The following MYH11 variants were observed in gnomAD, a reference collection of about 807,000 sequenced individuals.
MYH11 encodes the protein myosin-11.
A neutral mutation model predicts 246.6 loss-of-function variants in MYH11; 80 were observed. That is an observed-to-expected ratio of 0.32 (90% CI 0.27 to 0.39). The LOEUF (loss-of-function observed/expected upper bound fraction) is 0.39, where lower values mean the gene tolerates loss of function less well. Among genes scored for constraint, MYH11 ranks in the 10% least tolerant of loss-of-function variants. MYH11 has a pLI of 1.00. For missense variants in MYH11, 2,158 were observed against 2,546.8 expected (o/e 0.85, Z 3.29); for synonymous variants, 1,071 against 1,015.5 (o/e 1.05, Z -1.04).
intron 10 of MYH11, among the ~76,000 whole-genome samples, chr16:15,762,888 G>A (rs549409974): frequency 8.4e-4 from 128 of 152,210 alleles, no homozygotes; most frequent in Admixed American, 3.3e-3. Flanking sequence ...TCTAGGGAGC[G>A]GGAAAAAGCA....
At chr16:15,820,126 T>C (rs550749478) in intron 3 of MYH11, among the ~76,000 whole-genome samples, 1 of 152,178 alleles carries the variant, frequency 6.6e-6, no homozygotes, top group Admixed American at 6.5e-5. Context: ...GAGGATCACC[T>C]GAGGCCAGGA....
rs921885549 is a variant in MYH11, at chr16:15,758,019, G to A, written c.1402-19C>T. The A allele has an allele frequency of 6.2e-7, 1 of 1,612,868 alleles. No homozygotes were observed. The highest frequency in any genetic ancestry group is 1.3e-5 in the African/African-American group (1 of 74,884). On this transcript the variant is annotated intron_variant, in intron 12 of 40. Transcript: ENST00000300036. ...AGTTCACCTGAGCACATGGCGTGGG[G>A]GCGGGGCGTGAGCATCTTGGTATGA...
intron 20 of MYH11, among the ~76,000 whole-genome samples, chr16:15,744,783 G>A (rs1361647333): frequency 2.0e-5 from 3 of 152,248 alleles, no homozygotes; most frequent in African/African-American, 4.8e-5. Context: ...GATTACAGGC[G>A]TGAGCCGCCG....
At chr16:15,830,017 C>T (rs1056081472) in intron 2 of MYH11, among the ~76,000 whole-genome samples, 2 of 152,142 alleles carry the variant, frequency 1.3e-5, no homozygotes, top group Non-Finnish European at 2.9e-5. Context: ...TGCCTGTAAT[C>T]CCAGCTACTC....
At chr16:15,738,950 C>T (rs890186727) in intron 23 of MYH11, among the ~76,000 whole-genome samples, 4 of 152,194 alleles carry the variant, frequency 2.6e-5, no homozygotes, top group Non-Finnish European at 5.9e-5. Context: ...GCCAGCTCTT[C>T]CCTGCCCCAG....
intron 36 of MYH11, 156 bp downstream of exon 36, chr16:15,719,064 G>A (rs2040324734): frequency 1.4e-6 from 1 of 718,508 alleles, no homozygotes; most frequent in East Asian, 2.7e-5. Flanking sequence ...GGAGGTGGAG[G>A]TTGCAGTGAG....
chr16:15,770,962 C>T (rs886471992), intron 9 of MYH11, among the ~76,000 whole-genome samples: 12 of 151,900 alleles, frequency 7.9e-5, no homozygotes, highest in African/African-American at 2.9e-4. Context: ...CTTTTGAACA[C>T]CTAGATCTCA....
At position 15,715,180 on chromosome 16, in the gene MYH11, T is replaced by C; in HGVS notation, c.5597A>G (p.Glu1866Gly). ...LQVEDERKMAEQYKEQAEKGN... is the reference protein window; with the variant it reads ...LQVEDERKMAGQYKEQAEKGN... ...AGGGGCTACCTGCTCCTTGTACTGC[T>C]CGGCCATCTTGCGCTCGTCCTCCAC... Residue 1866 changes from glutamate (E) to glycine (G), a missense_variant, in exon 39 of 41, where the codon GAG becomes GGG. Glu to Gly is a moderately conservative substitution (Grantham distance 98). Around this residue, in one of 11 missense-constraint regions of MYH11, gnomAD observed 1,013 missense variants for 993.5 expected, o/e 1.02. Transcript: ENST00000300036. The C allele has an allele frequency of 3.1e-6, 5 of 1,613,858 alleles. No homozygotes were observed. Among genetic ancestry groups the C allele is most frequent in the Non-Finnish European group, 4.2e-6 (5 of 1,180,014 alleles).
In MYH11 at chr16:15,717,268, C is replaced by G; in HGVS notation, c.5376G>C (p.Arg1792=). The change falls in exon 38 of 41, where the codon CGG becomes CGC. Residue 1792 remains arginine, a synonymous_variant. Transcript: ENST00000300036. ...GCTTGCTCCGGAGCTCCTTGTTCTG[C>G]CGCTCGAGCTGCTGCCGGGCACTCT... ...KNESARQQLE[R]QNKELRSKLH... 1 of 1,614,034 alleles carries G rather than the reference C, an allele frequency of 6.2e-7. No homozygotes were observed. The highest frequency in any genetic ancestry group is 8.5e-7 in the Non-Finnish European group (1 of 1,180,040).
chr16:15,784,742 A>G, intron 5 of MYH11: 3 of 1,613,702 alleles, frequency 1.9e-6, no homozygotes, highest in Non-Finnish European at 2.5e-6. Flanking sequence ...ACACAGTATA[A>G]AACAAATGTC....
intron 6 of MYH11, among the ~76,000 whole-genome samples, chr16:15,780,341 G>A (rs1032826157): frequency 2.6e-5 from 4 of 151,980 alleles, no homozygotes; most frequent in Non-Finnish European, 5.9e-5. Context: ...ATGACCTGGA[G>A]AGTCTCTGAT....
intron 28 of MYH11, chr16:15,725,358 C>T: frequency 1.8e-6 from 1 of 558,626 alleles, no homozygotes; most frequent in Non-Finnish European, 3.1e-6. Flanking sequence ...AGACGAGGTG[C>T]TCTGGCTGGT....
intron 26 of MYH11, among the ~76,000 whole-genome samples, chr16:15,733,518 C>A (rs887133582): frequency 6.6e-6 from 1 of 151,590 alleles, no homozygotes; most frequent in African/African-American, 2.4e-5. Context: ...CAGGTGTGAG[C>A]CACCGCACTC....
At chr16:15,840,517 A>G (rs1003258961) in intron 1 of MYH11, among the ~76,000 whole-genome samples, 1 of 152,198 alleles carries the variant, frequency 6.6e-6, no homozygotes, top group African/African-American at 2.4e-5. Context: ...GGATCCCTTG[A>G]GGCCAGGAGT....
At chr16:15,803,305 C>T (rs1352755212) in intron 3 of MYH11, among the ~76,000 whole-genome samples, 4 of 148,038 alleles carry the variant, frequency 2.7e-5, no homozygotes, top group Admixed American at 6.7e-5. Flanking sequence ...GAAATGGAGT[C>T]TCGCTCTGTC....
intron 31 of MYH11, among the ~76,000 whole-genome samples, chr16:15,723,008 T>C (rs535493308): frequency 1.5e-4 from 23 of 152,166 alleles, no homozygotes; most frequent in African/African-American, 5.3e-4. Flanking sequence ...CCTCCCAAAG[T>C]GCTAGGATTA....
In MYH11 at chr16:15,829,569, G is replaced by A. The variant is rs914650659; in HGVS notation, c.346-6158C>T. Among the ~76,000 whole-genome samples, 9 of 152,088 alleles carry A rather than the reference G, an allele frequency of 5.9e-5. No individual in the cohort carries two copies. The East Asian group carries it at 7.7e-4, about 13-fold the overall frequency. On this transcript the variant is annotated intron_variant, in intron 2 of 40. Transcript: ENST00000300036. ...TGTGTTTCTGCCTCTCTGGCCCCAC[G>A]AGCCCCTCTCCAGCTGGTTAAATTC...
At chr16:15,830,784 G>T (rs773341018) in intron 2 of MYH11, among the ~76,000 whole-genome samples, 1 of 152,036 alleles carries the variant, frequency 6.6e-6, no homozygotes, top group African/African-American at 2.4e-5. Flanking sequence ...AGGCTGGGGC[G>T]GGATGATCGC....
At chr16:15,714,201 G>A (rs113788397) in intron 40 of MYH11, 4,550 of 153,496 alleles carry the variant, frequency 0.03, 232 homozygotes, top group African/African-American at 0.1. Context: ...AGCAGCCCTT[G>A]GGAGCAGGGG....
Sources: allele counts gnomAD v4.1 joint callset (sites outside exome capture counted in the v4.1 genomes callset), GRCh38; gene constraint gnomAD v4.1.1; regional missense constraint gnomAD v4.1.1; transcripts MANE v1.5; gene names NCBI Gene and HGNC (gene_info 2026-07-23, HGNC 2026-07-21).